The following SLC35A3 variants were observed in gnomAD, a reference collection of about 807,000 sequenced individuals.
The protein encoded by SLC35A3 is solute carrier family 35 member A3, also known as UDP-N-acetylglucosamine transporter.
A neutral mutation model predicts 39.0 loss-of-function variants in SLC35A3; 26 were observed. The ratio of observed to expected loss-of-function variants is 0.67; its 90% CI spans 0.49 to 0.92. The LOEUF is 0.92. Among genes scored for constraint, SLC35A3 ranks in the 40% least tolerant of loss-of-function variants. The pLI, the probability that SLC35A3 is intolerant of heterozygous loss-of-function variation, is 0.00. For missense variants in SLC35A3, 299 were observed against 371.6 expected, an observed-to-expected ratio of 0.80 and a Z score of 1.61; for synonymous variants, 135 against 133.1, an observed-to-expected ratio of 1.01 and a Z score of -0.10.
chr1:99,992,763 C>T (rs1658163208), intron 1 of SLC35A3, among the ~76,000 whole-genome samples: 1 of 135,036 alleles, frequency 7.4e-6, no homozygotes, highest in Admixed American at 7.1e-5. Flanking sequence ...AATAAATATA[C>T]TTACTTTGGA....
intron 3 of SLC35A3, among the ~76,000 whole-genome samples, chr1:99,999,799 T>TC (rs994795590): frequency 3.3e-5 from 5 of 150,820 alleles, no homozygotes; most frequent in South Asian, 4.2e-4. Flanking sequence ...CTCCATGAGA[T>TC]CCCCCCGCTC....
In SLC35A3 at chr1:100,024,640, GAC is replaced by G. The variant is rs1660792576; in HGVS notation, c.*2166_*2167del. On this transcript the variant is annotated 3_prime_UTR_variant, in exon 8 of 8. Transcript: ENST00000533028. ...AATACTTCTTTTTTTTTTTTTTTGA[GAC>G]AGAGTCTCACTTTGTCGCCAGGCTG... 2 of 301,046 alleles carry G rather than the reference GAC, an allele frequency of 6.6e-6. No homozygotes were observed. The highest frequency in any genetic ancestry group is 1.2e-5 in the Non-Finnish European group (2 of 169,168). The allele number at this position is 301,046 out of a possible 1,614,324, so 18.6% of individuals were successfully genotyped here. A position where few individuals can be genotyped will look rare whatever the true frequency, so the allele number is the denominator to read the frequency against.
chr1:100,020,197 A>T (rs1557847770), intron 7 of SLC35A3, among the ~76,000 whole-genome samples: 2 of 149,474 alleles, frequency 1.3e-5, no homozygotes, highest in Admixed American at 6.7e-5. Flanking sequence ...TTTTATCCTA[A>T]TTTTTTTTTT....
rs1237898261 is a variant in SLC35A3, at chr1:99,997,408, TTTTATATATATATATATATATATATA to T, written c.188-1851_188-1826del. Among the ~76,000 whole-genome samples, 91 of 55,724 alleles carry T rather than the reference TTTTATATATATATATATATATATATA, an allele frequency of 1.6e-3. 2 individuals carry two copies. The highest frequency in any genetic ancestry group is 6.5e-3 in the African/African-American group (88 of 13,508). 36.6% of individuals were successfully genotyped at this position (55,724 alleles called of 152,430 possible). A position where few individuals can be genotyped will look rare whatever the true frequency, so the allele number is the denominator to read the frequency against. On this transcript the variant is annotated intron_variant, in intron 2 of 7. Coordinates refer to ENST00000533028, the MANE Select transcript of SLC35A3 (RefSeq NM_012243.3). ...ATACAGTTATATGTTTTATATATAG[TTTTATATATATATATATATATATATA>T]TATATATATATATATATATATATGG... is the stretch of plus-strand genomic sequence containing the variant.
intron 1 of SLC35A3, among the ~76,000 whole-genome samples, chr1:99,976,879 AC>A (rs1657135463): frequency 6.6e-6 from 1 of 152,102 alleles, no homozygotes; most frequent in East Asian, 1.9e-4. Flanking sequence ...TACCTGGGTG[AC>A]AAAATTATCT....
chr1:100,016,785 T>C (rs1268018334), intron 6 of SLC35A3, among the ~76,000 whole-genome samples: 1 of 152,184 alleles, frequency 6.6e-6, no homozygotes, highest in Non-Finnish European at 1.5e-5. Context: ...AGAGAGTTTA[T>C]GTATGATGTA....
Position 100,024,648 on chromosome 1 carries a change from C to G in SLC35A3, c.*2172C>G. On this transcript the variant is annotated 3_prime_UTR_variant, in exon 8 of 8. Transcript: ENST00000533028. ...TTTTTTTTTTTTTTTGAGACAGAGT[C>G]TCACTTTGTCGCCAGGCTGGAGTGC... 1 of 314,734 alleles carries G rather than the reference C, an allele frequency of 3.2e-6. No homozygotes were observed. Among genetic ancestry groups the G allele is most frequent in the Non-Finnish European group, 5.7e-6 (1 of 176,396 alleles). 19.5% of individuals were successfully genotyped at this position (314,734 alleles called of 1,614,324 possible). A position where few individuals can be genotyped will look rare whatever the true frequency, so the allele number is the denominator to read the frequency against.
At position 100,034,305 on chromosome 1, in the gene SLC35A3, TTA is replaced by T. The variant is rs1341342786; in HGVS notation, c.*11830_*11831del. The stretch of plus-strand genomic sequence containing the variant: ...TTGTGTCTCTCAGGTACCCTGTGAT[TTA>T]GTTTTCATTTTTAGATGATTTTATC... On this transcript the variant is annotated 3_prime_UTR_variant, in exon 8 of 8. Transcript: ENST00000533028. 1 of 151,354 alleles carries T rather than the reference TTA, an allele frequency of 6.6e-6. No individual in the cohort carries two copies. Among genetic ancestry groups the T allele is most frequent in the Non-Finnish European group, 1.5e-5 (1 of 67,990 alleles). 9.4% of individuals were successfully genotyped at this position (151,354 alleles called of 1,614,324 possible). A position where few individuals can be genotyped will look rare whatever the true frequency, so the allele number is the denominator to read the frequency against.
intron 1 of SLC35A3, among the ~76,000 whole-genome samples, chr1:99,992,772 G>A (rs930601253): frequency 6.6e-6 from 1 of 152,084 alleles, no homozygotes; most frequent in Non-Finnish European, 1.5e-5. Flanking sequence ...ACTTACTTTG[G>A]ATTGTTTCCT....
intron 1 of SLC35A3, among the ~76,000 whole-genome samples, chr1:99,977,364 CAAAAAAA>C (rs61423393): frequency 1.0e-5 from 1 of 98,472 alleles, no homozygotes. Flanking sequence ...TTAAAAATAC[CAAAAAAA>C]AAAAAAAAAA....
chr1:99,986,582 A>G (rs1657754137), intron 1 of SLC35A3, among the ~76,000 whole-genome samples: 1 of 151,644 alleles, frequency 6.6e-6, no homozygotes, highest in Non-Finnish European at 1.5e-5. Flanking sequence ...TTATTTATTT[A>G]TTTATTTATT....
intron 1 of SLC35A3, among the ~76,000 whole-genome samples, chr1:99,985,351 G>C (rs1657687518): frequency 6.6e-6 from 1 of 152,084 alleles, no homozygotes; most frequent in African/African-American, 2.4e-5. Flanking sequence ...GTTTTTGTTT[G>C]CTTTGTTGAA....
intron 1 of SLC35A3, among the ~76,000 whole-genome samples, chr1:99,982,497 T>G (rs1657517600): frequency 6.6e-6 from 1 of 152,166 alleles, no homozygotes; most frequent in Admixed American, 6.5e-5. Flanking sequence ...TTTAAATATT[T>G]AGACCTGTAA....
intron 7 of SLC35A3, among the ~76,000 whole-genome samples, chr1:100,020,992 G>C (rs1660495332): frequency 6.6e-6 from 1 of 151,884 alleles, no homozygotes; most frequent in Non-Finnish European, 1.5e-5. Context: ...TTCGTTTATA[G>C]GCAATTAAAA....
intron 1 of SLC35A3, among the ~76,000 whole-genome samples, chr1:99,988,012 T>C (rs1347484465): frequency 1.3e-5 from 2 of 152,198 alleles, no homozygotes; most frequent in African/African-American, 4.8e-5. Context: ...CTAATTTACA[T>C]ACAATAAAAT....
chr1:99,996,811 C>G (rs1658425064), intron 2 of SLC35A3, among the ~76,000 whole-genome samples: 1 of 151,956 alleles, frequency 6.6e-6, no homozygotes, highest in Admixed American at 6.6e-5. Flanking sequence ...AAGAATTTTT[C>G]AACTATTATT....
chr1:99,986,500 A>T (rs948230399), intron 1 of SLC35A3, among the ~76,000 whole-genome samples: 4 of 152,130 alleles, frequency 2.6e-5, no homozygotes, highest in African/African-American at 9.7e-5. Flanking sequence ...CTGTATTATT[A>T]TGGGGAATGT....
intron 1 of SLC35A3, among the ~76,000 whole-genome samples, chr1:99,976,124 A>G (rs187761223): frequency 1.3e-5 from 2 of 152,328 alleles, no homozygotes; most frequent in Admixed American, 6.5e-5. Context: ...TTATTAAGAT[A>G]TCTGCTATAT....
At position 99,997,680 on chromosome 1, in the gene SLC35A3, T is replaced by C. The variant is rs190509743; in HGVS notation, c.188-1581T>C. Among the ~76,000 whole-genome samples, 8 of 151,538 alleles carry C rather than the reference T, an allele frequency of 5.3e-5. No homozygotes were observed. The East Asian group carries it at 1.5e-3, about 29-fold the overall frequency. ...TTATTTTGTTTTTCTGCTATGCCTT[T>C]TTTTCTAAGTATACCTCTCTTGGAC... is the stretch of plus-strand genomic sequence containing the variant. On this transcript the variant is annotated intron_variant, in intron 2 of 7. Transcript: ENST00000533028.
Sources: allele counts gnomAD v4.1 joint callset (sites outside exome capture counted in the v4.1 genomes callset), GRCh38; gene constraint gnomAD v4.1.1; transcripts MANE v1.5; gene names NCBI Gene and HGNC (gene_info 2026-07-23, HGNC 2026-07-21).